SOX5: variants seen among roughly 807,000 people sequenced by gnomAD.
The protein encoded by SOX5 is transcription factor SOX-5.
SOX5 carries 9 observed loss-of-function variants against 92.0 expected under a neutral mutation model. The ratio of observed to expected loss-of-function variants is 0.10; its 90% CI spans 0.06 to 0.17. The LOEUF (loss-of-function observed/expected upper bound fraction) is 0.17. Among genes scored for constraint, SOX5 ranks in the 10% least tolerant of loss-of-function variants. The pLI is 1.00. For synonymous variants in SOX5, 344 were observed against 336.3 expected (o/e 1.02, Z -0.25); for missense variants, 642 against 944.5 (o/e 0.68, Z 4.20).
At chr12:24,026,299 C>T (rs751621216) in intron 4 of SOX5, among the ~76,000 whole-genome samples, 14 of 151,892 alleles carry the variant, frequency 9.2e-5, no homozygotes, top group South Asian at 2.1e-4. Context: ...TTAGATATTC[C>T]GAGTATAAAA....
At chr12:24,401,344 T>C (rs547729318) in intron 1 of SOX5, among the ~76,000 whole-genome samples, 1,428 of 130,544 alleles carry the variant, frequency 0.011, 15 homozygotes, top group Middle Eastern at 0.018. Context: ...AGAGCAAGAC[T>C]CCATCTCAGG....
At chr12:24,524,335 C>G (rs1950504521) in intron 1 of SOX5, among the ~76,000 whole-genome samples, 1 of 150,298 alleles carries the variant, frequency 6.7e-6, no homozygotes, top group Admixed American at 6.7e-5. Context: ...TAATAAATCC[C>G]CTCCCATCTA....
chr12:24,289,308 C>G (rs1169076331), intron 2 of SOX5, among the ~76,000 whole-genome samples: 2 of 151,946 alleles, frequency 1.3e-5, no homozygotes, highest in Non-Finnish European at 2.9e-5. Context: ...AAAAAAGAAT[C>G]TGATGAAAGT....
intron 1 of SOX5, among the ~76,000 whole-genome samples, chr12:24,462,153 G>A (rs1033210547): frequency 2.0e-5 from 3 of 152,160 alleles, no homozygotes; most frequent in African/African-American, 4.8e-5. Context: ...AGATGATATA[G>A]TCTCTTACAT....
chr12:23,531,732 A>G lies in SOX5; in HGVS notation c.*2487T>C, dbSNP rs1026799331. 2.0e-5 allele frequency: 3 copies of G among 152,172 alleles called. No individual in the cohort carries two copies. Among genetic ancestry groups the G allele is most frequent in the Non-Finnish European group, 4.4e-5 (3 of 68,038 alleles). The allele number at this position is 152,172 out of a possible 1,614,324, so 9.4% of individuals were successfully genotyped here. ...AAATTGGCTCTAGATGACTGTGGCA[A>G]TTAAATAACTAAAATGAGTGATGAG... On this transcript the variant is annotated 3_prime_UTR_variant, in exon 15 of 15. Coordinates refer to ENST00000451604, the MANE Select transcript of SOX5 (RefSeq NM_006940.6).
chr12:23,543,527 C>T, intron 12 of SOX5, 143 bp from the exon 13 acceptor site: 1 of 558,396 alleles, frequency 1.8e-6, no homozygotes, highest in South Asian at 3.5e-5. Context: ...AAGACAGATG[C>T]TTGTTTATGA....
At chr12:24,519,419 G>A (rs1272429354) in intron 1 of SOX5, among the ~76,000 whole-genome samples, 1 of 151,882 alleles carries the variant, frequency 6.6e-6, no homozygotes, top group Non-Finnish European at 1.5e-5. Flanking sequence ...GGGAAGGGGT[G>A]GAAAGAAAGA....
At chr12:24,355,672 G>A (rs1177748595) in intron 2 of SOX5, among the ~76,000 whole-genome samples, 3 of 152,030 alleles carry the variant, frequency 2.0e-5, no homozygotes, top group Non-Finnish European at 4.4e-5. Context: ...AATGTTTTCT[G>A]TTCAAAGGCA....
chr12:23,575,977 C>T (rs550983972), intron 9 of SOX5, 139 bp from the exon 10 acceptor site: 54 of 604,400 alleles, frequency 8.9e-5, no homozygotes, highest in African/African-American at 6.1e-4. Flanking sequence ...CTGAACATTA[C>T]AGCATTTGCT....
chr12:23,579,284 C>T (rs1949720125), intron 9 of SOX5, among the ~76,000 whole-genome samples: 1 of 152,154 alleles, frequency 6.6e-6, no homozygotes, highest in Admixed American at 6.6e-5. Context: ...GCCCCAAGGA[C>T]ATAACAGAGG....
chr12:23,745,968 G>A (rs1429877304), intron 4 of SOX5, among the ~76,000 whole-genome samples: 2 of 152,108 alleles, frequency 1.3e-5, no homozygotes, highest in Non-Finnish European at 2.9e-5. Context: ...TTTAATGAAT[G>A]ACATAAAGAA....
intron 2 of SOX5, among the ~76,000 whole-genome samples, chr12:24,312,990 G>A (rs563209117): frequency 1.3e-5 from 2 of 152,002 alleles, no homozygotes; most frequent in South Asian, 2.1e-4. Context: ...TGTCAGCCCC[G>A]GTTGTATGCT....
chr12:24,270,242 G>T (rs1195601527), intron 3 of SOX5, among the ~76,000 whole-genome samples: 2 of 151,882 alleles, frequency 1.3e-5, no homozygotes, highest in Non-Finnish European at 2.9e-5. Context: ...TGTATTTTTA[G>T]TAGAGACAGG....
At chr12:24,080,802 AT>A (rs1475068142) in intron 4 of SOX5, among the ~76,000 whole-genome samples, 1 of 151,964 alleles carries the variant, frequency 6.6e-6, no homozygotes, top group Non-Finnish European at 1.5e-5. Flanking sequence ...GCAAAGCTGA[AT>A]TTTTAAAAAG....
chr12:24,187,811 T>C (rs528458069), intron 4 of SOX5, among the ~76,000 whole-genome samples: 3 of 152,286 alleles, frequency 2.0e-5, no homozygotes, highest in East Asian at 3.9e-4. Flanking sequence ...TCGTCCAAAA[T>C]TCAATCTCAT....
rs928361109 is a variant in SOX5, at chr12:23,806,894, C to T, written c.481+39089G>A. Among the ~76,000 whole-genome samples the T allele has an allele frequency of 2.6e-5, 4 of 152,158 alleles. No homozygotes were observed. The South Asian group carries it at 8.3e-4, about 32-fold the overall frequency. On this transcript the variant is annotated intron_variant, in intron 3 of 14. Coordinates refer to ENST00000451604, the MANE Select transcript of SOX5 (RefSeq NM_006940.6). The stretch of plus-strand genomic sequence containing the variant: ...AAAATGACTTTCAGGGACAGGTGAG[C>T]ATTTTCTGCTACAAGGAAGAAGAGT...
intron 12 of SOX5, among the ~76,000 whole-genome samples, chr12:23,545,099 T>G (rs1185247413): frequency 1.3e-5 from 2 of 152,230 alleles, no homozygotes. Flanking sequence ...AATTACGTGT[T>G]TCAACGTTCA....
chr12:23,951,056 G>C, upstream of SOX5: 1 of 557,298 alleles, frequency 1.8e-6, no homozygotes, highest in Non-Finnish European at 3.2e-6. Flanking sequence ...CTGCACAAAA[G>C]GCTACATTAC....
At chr12:23,639,285 G>A (rs1168124733) in intron 8 of SOX5, among the ~76,000 whole-genome samples, 1 of 152,118 alleles carries the variant, frequency 6.6e-6, no homozygotes, top group Admixed American at 6.5e-5. Context: ...TACAGGAAAA[G>A]TTGATTAGAT....
Sources: gnomAD v4.1 joint callset for allele counts (sites outside exome capture counted in the v4.1 genomes callset) on GRCh38, gnomAD v4.1.1 for gene constraint, MANE v1.5 for transcripts, NCBI Gene and HGNC (gene_info 2026-07-23, HGNC 2026-07-21) for gene names.